C4orf50: variants seen among roughly 807,000 people sequenced by gnomAD.
C4orf50 encodes chromosome 4 open reading frame 50.
A neutral mutation model predicts 77.2 loss-of-function variants in C4orf50; 80 were observed. That is an observed-to-expected ratio of 1.04 (90% CI 0.87 to 1.25). The LOEUF is 1.25. Among genes scored for constraint, C4orf50 ranks in the 50% most tolerant of loss-of-function variants. The pLI is 0.00. For synonymous variants in C4orf50, 532 were observed against 465.3 expected (o/e 1.14, Z -1.84); for missense variants, 1,257 against 1,152.9 (o/e 1.09, Z -1.31).
At chr4:5,949,989 C>CAAAA (rs374177600) in intron 7 of C4orf50, among the ~76,000 whole-genome samples, 3 of 115,420 alleles carry the variant, frequency 2.6e-5, no homozygotes, top group African/African-American at 9.3e-5. Context: ...AACTCCATCT[C>CAAAA]AAAAAAAAAA....
At position 6,000,377 on chromosome 4, in the gene C4orf50, A is replaced by C. The variant is rs1334177562; in HGVS notation, c.964-5901T>G. Among the ~76,000 whole-genome samples the C allele has an allele frequency of 6.6e-6, 1 of 152,012 alleles. No individual in the cohort carries two copies. Among genetic ancestry groups the C allele is most frequent in the Non-Finnish European group, 1.5e-5 (1 of 67,998 alleles). On this transcript the variant is annotated intron_variant, in intron 25 of 33. Coordinates refer to ENST00000531445, the Ensembl canonical transcript of C4orf50. This position sits in a 1 kb window ranked among gnomAD's most constrained non-coding sequence, Gnocchi z 6.0. Reference sequence around the variant, plus strand: ...ATTTATAAATTCCAGGCTGCATTCAACCTGAGAGCTGGTGGCTGGCTAGCT... The same window carrying C: ...ATTTATAAATTCCAGGCTGCATTCACCCTGAGAGCTGGTGGCTGGCTAGCT...
chr4:5,924,590 C>T (rs1717429674), intron 7 of C4orf50, among the ~76,000 whole-genome samples: 1 of 152,178 alleles, frequency 6.6e-6, no homozygotes, highest in Admixed American at 6.5e-5. Context: ...GGCTATAGGG[C>T]CCTCAGTGCT....
intron 23 of C4orf50, among the ~76,000 whole-genome samples, chr4:6,013,563 A>T (rs1277314531): frequency 6.6e-6 from 1 of 152,158 alleles, no homozygotes; most frequent in African/African-American, 2.4e-5. Flanking sequence ...TGCAAGAGAG[A>T]CTGCAGATAG....
intron 25 of C4orf50, among the ~76,000 whole-genome samples, chr4:5,998,759 C>T (rs989197318): frequency 2.0e-5 from 3 of 152,248 alleles, no homozygotes; most frequent in African/African-American, 7.2e-5. Flanking sequence ...CCTCTATAAG[C>T]TTTTGGAGGG....
chr4:5,931,339 G>C (rs16837836), intron 7 of C4orf50, among the ~76,000 whole-genome samples: 12,641 of 151,348 alleles, frequency 0.084, 1,124 homozygotes, highest in African/African-American at 0.23. Flanking sequence ...GGGAATCTAG[G>C]AGTGGTGTTG....
chr4:5,938,106 G>C (rs1638785112), intron 7 of C4orf50, among the ~76,000 whole-genome samples: 1 of 152,044 alleles, frequency 6.6e-6, no homozygotes. Context: ...TGAAACATTA[G>C]TATAATAGCC....
chr4:6,005,552 C>T (rs1262036768), intron 25 of C4orf50, among the ~76,000 whole-genome samples: 1 of 152,164 alleles, frequency 6.6e-6, no homozygotes, highest in Non-Finnish European at 1.5e-5. Context: ...GCAGAAGTCA[C>T]GGCTCTGCTC....
At chr4:5,944,890 T>C (rs544231816) in intron 7 of C4orf50, among the ~76,000 whole-genome samples, 2 of 152,108 alleles carry the variant, frequency 1.3e-5, no homozygotes, top group East Asian at 3.9e-4. Context: ...GCAGCAAAGA[T>C]GGATGAGCCA....
At chr4:5,921,134 C>A (rs969039605) in intron 7 of C4orf50, among the ~76,000 whole-genome samples, 1 of 152,230 alleles carries the variant, frequency 6.6e-6, no homozygotes, top group African/African-American at 2.4e-5. Context: ...AGCTCCCCAT[C>A]CATTGCTGGG....
chr4:5,993,672 C>T (rs568416205), intron 26 of C4orf50, among the ~76,000 whole-genome samples: 1 of 152,076 alleles, frequency 6.6e-6, no homozygotes, highest in African/African-American at 2.4e-5. Flanking sequence ...CAAAAGTTAG[C>T]CGGGCATGGT....
intron 25 of C4orf50, among the ~76,000 whole-genome samples, chr4:6,003,674 A>ATGATG: frequency 7.7e-6 from 1 of 130,590 alleles, no homozygotes; most frequent in South Asian, 2.6e-4. Context: ...GGTGATGGTG[A>ATGATG]TGATAGTGAT....
chr4:5,989,678 G>T (rs1457591344), exon 28 of C4orf50: 28 of 1,536,024 alleles, frequency 1.8e-5, no homozygotes, highest in Admixed American at 3.9e-5. Context: ...CTCACAGCCT[G>T]TGGATGACCA....
chr4:5,921,055 C>G (rs575342268), intron 7 of C4orf50, among the ~76,000 whole-genome samples: 1 of 152,210 alleles, frequency 6.6e-6, no homozygotes, highest in African/African-American at 2.4e-5. Flanking sequence ...ATCTGAGTGA[C>G]CTGAGACCTT....
chr4:5,919,037 C>T lies in C4orf50; in HGVS notation c.*2475-20849G>A, dbSNP rs1222219678. Among the ~76,000 whole-genome samples, 2 of 152,180 alleles carry T rather than the reference C, an allele frequency of 1.3e-5. No homozygotes were observed. The highest frequency in any genetic ancestry group is 4.8e-5 in the African/African-American group (2 of 41,462). On this transcript the variant is annotated intron_variant, in intron 7 of 7. Transcript: ENST00000324058. The surrounding 1 kb of genome is among the most constrained non-coding windows in gnomAD (Gnocchi z 6.5). Reference sequence around the variant, plus strand: ...GGAGTCAAAGGGCTTGCCCAAGTCTCGGTGCTTCTCAAGAGAACTTGCTGC... The same window carrying T: ...GGAGTCAAAGGGCTTGCCCAAGTCTTGGTGCTTCTCAAGAGAACTTGCTGC...
At position 5,917,940 on chromosome 4, in the gene C4orf50, A is replaced by G. The variant is rs1332408827; in HGVS notation, c.*2475-19752T>C. 3.3e-5 allele frequency among the ~76,000 whole-genome samples: 5 copies of G among 152,208 alleles called. 1 individual carries two copies. The South Asian group carries it at 1.0e-3, about 32-fold the overall frequency. On this transcript the variant is annotated intron_variant, in intron 7 of 7. Coordinates refer to the C4orf50 transcript ENST00000324058. The stretch of plus-strand genomic sequence containing the variant: ...TGCAATTGGCACAGAATGCAATGAG[A>G]TGCGGCTGGTCATTCATCAGAGAGC...
chr4:5,997,341 T>C (rs1402354321), intron 25 of C4orf50, among the ~76,000 whole-genome samples: 1 of 152,238 alleles, frequency 6.6e-6, no homozygotes, highest in Non-Finnish European at 1.5e-5. Context: ...TAAACATACC[T>C]AGATCCCTGC....
Position 6,004,913 on chromosome 4 carries a change from G to A in C4orf50, c.963+3083C>T, listed in dbSNP as rs551180551. ...TGACTGATCACTCAAAATATACCGG[G>A]CACTGAGCTAAGAGCTTTCCCTGTA... is the stretch of plus-strand genomic sequence containing the variant. On this transcript the variant is annotated intron_variant, in intron 25 of 33. Transcript: ENST00000531445. Among the ~76,000 whole-genome samples, 8 of 152,206 alleles carry A rather than the reference G, an allele frequency of 5.3e-5. No homozygotes were observed. In the East Asian group the frequency reaches 1.2e-3, roughly 22 times the overall value.
Position 6,007,499 on chromosome 4 carries a change from G to A in C4orf50, c.963+497C>T, listed in dbSNP as rs1021588440. On this transcript the variant is annotated intron_variant, in intron 25 of 33. Transcript: ENST00000531445. The surrounding 1 kb of genome is among the most constrained non-coding windows in gnomAD (Gnocchi z 4.1). Reference sequence around the variant, plus strand: ...CAAATCTGCTGGTGCCTTGATCTTGGACCTCCAGCCTCCAAAAGTGTGAAA... The same window carrying A: ...CAAATCTGCTGGTGCCTTGATCTTGAACCTCCAGCCTCCAAAAGTGTGAAA... Among the ~76,000 whole-genome samples, 2 of 152,112 alleles carry A rather than the reference G, an allele frequency of 1.3e-5. No individual in the cohort carries two copies. The highest frequency in any genetic ancestry group is 2.9e-5 in the Non-Finnish European group (2 of 68,028).
chr4:5,956,458 T>C (rs1718963856), downstream of C4orf50, among the ~76,000 whole-genome samples: 2 of 152,248 alleles, frequency 1.3e-5, no homozygotes, highest in African/African-American at 4.8e-5. Context: ...GTGAGACTCC[T>C]GTGACCACAC....
Sources: allele counts gnomAD v4.1 joint callset (sites outside exome capture counted in the v4.1 genomes callset), GRCh38; gene constraint gnomAD v4.1.1; non-coding constraint Gnocchi (gnomAD v3.1); transcripts MANE v1.5; gene names NCBI Gene and HGNC (gene_info 2026-07-23, HGNC 2026-07-21).